Variants in CHST11 observed in about 807,000 individuals in gnomAD.
CHST11 encodes the protein C4S-1.
CHST11 carries 9 observed loss-of-function variants against 30.4 expected under a neutral mutation model. The observed-to-expected ratio is 0.30, with a 90% confidence interval of 0.18 to 0.52. The LOEUF is 0.52. Among genes scored for constraint, CHST11 ranks in the 20% least tolerant of loss-of-function variants. The pLI, the probability that CHST11 is intolerant of heterozygous loss-of-function variation, is 0.97. For missense variants in CHST11, 348 were observed against 460.6 expected (o/e 0.76, Z 2.24); for synonymous variants, 152 against 187.8 (o/e 0.81, Z 1.56).
intron 1 of CHST11, among the ~76,000 whole-genome samples, chr12:104,594,951 A>C (rs1334248112): frequency 6.6e-6 from 1 of 152,214 alleles, no homozygotes; most frequent in African/African-American, 2.4e-5. Flanking sequence ...TGTCTCAAAA[A>C]CATAAAAAAT....
Position 104,488,226 on chromosome 12 carries a change from C to T in CHST11, c.118+30697C>T, listed in dbSNP as rs7963874. 1.4e-3 allele frequency among the ~76,000 whole-genome samples: 210 copies of T among 151,936 alleles called. 3 individuals carry two copies. Among genetic ancestry groups the T allele is most frequent in the African/African-American group, 4.6e-3 (192 of 41,408 alleles). ...GCACATGGGAACCACGTTCAAAGGA[C>T]GGAGAAAGATGTTGCTGCCCAAGAT... On this transcript the variant is annotated intron_variant, in intron 1 of 2. Transcript: ENST00000303694.
At chr12:104,500,647 A>G (rs1402230981) in intron 1 of CHST11, among the ~76,000 whole-genome samples, 1 of 152,192 alleles carries the variant, frequency 6.6e-6, no homozygotes. Flanking sequence ...GCTCTCTTGA[A>G]GCTACATATA....
intron 2 of CHST11, among the ~76,000 whole-genome samples, chr12:104,698,141 G>T (rs1185883429): frequency 6.6e-6 from 1 of 152,108 alleles, no homozygotes; most frequent in South Asian, 2.1e-4. Flanking sequence ...ATTGACTGGA[G>T]CCCTGTTCAG....
chr12:104,485,716 C>A (rs2037670655), intron 1 of CHST11, among the ~76,000 whole-genome samples: 1 of 152,202 alleles, frequency 6.6e-6, no homozygotes, highest in Admixed American at 6.5e-5. Context: ...TGAATTCAAG[C>A]CCAAAGCAAC....
chr12:104,725,600 C>T (rs1436815070), intron 2 of CHST11, among the ~76,000 whole-genome samples: 1 of 151,268 alleles, frequency 6.6e-6, no homozygotes, highest in African/African-American at 2.4e-5. Context: ...TACTTGCAAT[C>T]GTGGGAAGTG....
chr12:104,623,828 A>G (rs1235122718), intron 2 of CHST11, among the ~76,000 whole-genome samples: 3 of 152,202 alleles, frequency 2.0e-5, no homozygotes, highest in Non-Finnish European at 4.4e-5. Context: ...TTTAATTTCA[A>G]TCACTTTCAA....
chr12:104,577,234 ATTTTTTTT>A lies in CHST11; in HGVS notation c.119-24651_119-24644del, dbSNP rs34967812. Among the ~76,000 whole-genome samples, 9 of 74,242 alleles carry A rather than the reference ATTTTTTTT, an allele frequency of 1.2e-4. No individual in the cohort carries two copies. The East Asian group carries it at 1.4e-3, about 12-fold the overall frequency. The allele number at this position is 74,242 out of a possible 152,430, so 48.7% of individuals were successfully genotyped here. On this transcript the variant is annotated intron_variant, in intron 1 of 2. Coordinates refer to ENST00000303694, the MANE Select transcript of CHST11 (RefSeq NM_018413.6). ...GTGTATCTGAGGGCTGCAGCCCTTCATTTTTTTTTTTTTTTTTTTTTTTTTTTTGGTAT... is the reference window on the plus strand; with the variant it reads ...GTGTATCTGAGGGCTGCAGCCCTTCATTTTTTTTTTTTTTTTTTTTGGTAT...
intron 2 of CHST11, among the ~76,000 whole-genome samples, chr12:104,755,922 C>T (rs945452361): frequency 2.0e-5 from 3 of 151,824 alleles, no homozygotes; most frequent in African/African-American, 2.4e-5. Flanking sequence ...CCCCCCCCTC[C>T]GGTTATGAAA....
At chr12:104,662,536 A>G (rs1433336553) in intron 2 of CHST11, among the ~76,000 whole-genome samples, 1 of 152,194 alleles carries the variant, frequency 6.6e-6, no homozygotes, top group Non-Finnish European at 1.5e-5. Context: ...AACGATTTTT[A>G]GGCCATTTCC....
At chr12:104,518,274 G>A (rs1329201861) in intron 1 of CHST11, among the ~76,000 whole-genome samples, 9 of 152,022 alleles carry the variant, frequency 5.9e-5, no homozygotes, top group Non-Finnish European at 1.2e-4. Context: ...GTGAGAGAGC[G>A]AGACCCTGTC....
At position 104,572,896 on chromosome 12, in the gene CHST11, T is replaced by C. The variant is rs969670329; in HGVS notation, c.119-29010T>C. On this transcript the variant is annotated intron_variant, in intron 1 of 2. Transcript: ENST00000303694. ...AGGCAGGAGAAGGAAATAAAGGGTATTCAATTAGGAAAAGAGGAAGTCAAA... is the reference window on the plus strand; with the variant it reads ...AGGCAGGAGAAGGAAATAAAGGGTACTCAATTAGGAAAAGAGGAAGTCAAA... Among the ~76,000 whole-genome samples, 14 of 152,218 alleles carry C rather than the reference T, an allele frequency of 9.2e-5. No individual in the cohort carries two copies. In the South Asian group the frequency reaches 2.7e-3, roughly 29 times the overall value.
chr12:104,647,143 A>G (rs1343284540), intron 2 of CHST11, among the ~76,000 whole-genome samples: 1 of 152,226 alleles, frequency 6.6e-6, no homozygotes, highest in Non-Finnish European at 1.5e-5. Flanking sequence ...GCCCATTGTC[A>G]TGATGCTGCA....
intron 2 of CHST11, among the ~76,000 whole-genome samples, chr12:104,721,004 G>T (rs908561844): frequency 6.6e-6 from 1 of 152,156 alleles, no homozygotes; most frequent in Admixed American, 6.5e-5. Flanking sequence ...GCCGGGGCTG[G>T]TCCTCGGCTA....
At chr12:104,547,314 G>A (rs1418221384) in intron 1 of CHST11, among the ~76,000 whole-genome samples, 4 of 152,188 alleles carry the variant, frequency 2.6e-5, no homozygotes, top group Non-Finnish European at 5.9e-5. Flanking sequence ...AGGTTTTCAA[G>A]TGGGTAATTA....
chr12:104,598,890 AGTTGGGAGGTGACCCTCACCTCACAG>A (rs67248610), intron 1 of CHST11, among the ~76,000 whole-genome samples: 72,604 of 151,248 alleles, frequency 0.48, 17,679 homozygotes, highest in East Asian at 0.65. Flanking sequence ...GGCCTAGCTG[AGTTGGGAGGTGACCCTCACCTCACAG>A]GTTGGGCAGC....
chr12:104,647,379 AT>A (rs1212109701), intron 2 of CHST11, among the ~76,000 whole-genome samples: 1 of 152,258 alleles, frequency 6.6e-6, no homozygotes, highest in South Asian at 2.1e-4. Context: ...CAGGAAATCT[AT>A]TTTTTTAGCT....
intron 1 of CHST11, among the ~76,000 whole-genome samples, chr12:104,585,524 G>A (rs969690719): frequency 1.3e-5 from 2 of 152,294 alleles, no homozygotes; most frequent in Non-Finnish European, 1.5e-5. Context: ...CTCGAAACAC[G>A]TGACATGGAT....
At chr12:104,692,487 T>A (rs925046787) in intron 2 of CHST11, among the ~76,000 whole-genome samples, 4 of 152,232 alleles carry the variant, frequency 2.6e-5, no homozygotes, top group Non-Finnish European at 5.9e-5. Context: ...ACTGTTGTTA[T>A]TTTACAGAGG....
chr12:104,573,188 C>T (rs578201654), intron 1 of CHST11, among the ~76,000 whole-genome samples: 7 of 152,104 alleles, frequency 4.6e-5, no homozygotes, highest in South Asian at 4.2e-4. Flanking sequence ...AACTACAAAC[C>T]GCTGCTCAAT....
Sources: allele counts gnomAD v4.1 joint callset (sites outside exome capture counted in the v4.1 genomes callset), GRCh38; gene constraint gnomAD v4.1.1; transcripts MANE v1.5; gene names NCBI Gene and HGNC (gene_info 2026-07-23, HGNC 2026-07-21).